NUP54: variants seen among roughly 807,000 people sequenced by gnomAD.
NUP54 encodes nucleoporin 54.
In NUP54, 27 loss-of-function variants were observed where a neutral mutation model predicts 66.4. That is an observed-to-expected ratio of 0.41 (90% CI 0.30 to 0.56). The LOEUF (loss-of-function observed/expected upper bound fraction) is 0.56, where lower values mean the gene tolerates loss of function less well. Among genes scored for constraint, NUP54 ranks in the 20% least tolerant of loss-of-function variants. NUP54 has a pLI of 0.34. For synonymous variants in NUP54, 206 were observed against 210.7 expected, an observed-to-expected ratio of 0.98 and a Z score of 0.19; for missense variants, 486 against 596.3, an observed-to-expected ratio of 0.82 and a Z score of 1.93.
intron 1 of NUP54, chr4:76,145,768 A>G (rs1280917043): frequency 3.6e-6 from 1 of 277,570 alleles, no homozygotes; most frequent in Non-Finnish European, 7.0e-6. Flanking sequence ...AATCTCATTT[A>G]TTTCTGGTAT....
chr4:76,120,832 A>G (rs573783691), intron 9 of NUP54, among the ~76,000 whole-genome samples: 1 of 152,280 alleles, frequency 6.6e-6, no homozygotes, highest in South Asian at 2.1e-4. Context: ...TTTTCTATGA[A>G]CTGCCTTTAC....
intron 9 of NUP54, among the ~76,000 whole-genome samples, chr4:76,119,295 C>T (rs565551934): frequency 2.8e-4 from 42 of 152,186 alleles, no homozygotes; most frequent in African/African-American, 9.6e-4. Context: ...TTTCTCCTTG[C>T]TCATCATACA....
At chr4:76,117,568 C>T (rs1048357715) in intron 11 of NUP54, 96 bp downstream of exon 11, 1 of 740,496 alleles carries the variant, frequency 1.4e-6, no homozygotes, top group African/African-American at 1.8e-5. Context: ...TCTCCACATT[C>T]TCACTAACAC....
chr4:76,124,705 C>A lies in NUP54; in HGVS notation c.1108G>T (p.Ala370Ser), dbSNP rs747329643. Residue 370 changes from alanine (A) to serine (S), a missense_variant, in exon 9 of 12, where the codon GCC (alanine) becomes TCC (serine). Ala to Ser is a moderately conservative substitution (Grantham distance 99). Transcript: ENST00000264883. ...ELQKNQTTSV[A>S]KIAQYKRKLM... is the part of the protein sequence containing the mutation. ...TTCCTCTTGTATTGTGCAATTTTGG[C>A]TACAGATGTAGTTTGATTCTTTTGT... is the stretch of plus-strand genomic sequence containing the variant. 6.3e-7 allele frequency: 1 copy of A among 1,587,540 alleles called. No homozygotes were observed.
intron 1 of NUP54, among the ~76,000 whole-genome samples, chr4:76,147,039 G>T (rs1482719551): frequency 6.6e-6 from 1 of 152,056 alleles, no homozygotes; most frequent in Non-Finnish European, 1.5e-5. Flanking sequence ...AACAAAACAG[G>T]TTACTGCTGT....
At chr4:76,140,568 G>A (rs1482747321) in intron 3 of NUP54, among the ~76,000 whole-genome samples, 1 of 152,098 alleles carries the variant, frequency 6.6e-6, no homozygotes, top group Non-Finnish European at 1.5e-5. Flanking sequence ...GTGAGCCACT[G>A]CGCTCAGCCC....
intron 3 of NUP54, among the ~76,000 whole-genome samples, chr4:76,143,078 CA>C (rs965380344): frequency 1.2e-4 from 17 of 145,406 alleles, no homozygotes; most frequent in African/African-American, 2.3e-4. Flanking sequence ...GCTGATCACT[CA>C]AAAAAAAAAG....
In NUP54 at chr4:76,148,353, G is replaced by T; in HGVS notation, c.22C>A (p.Pro8Thr). MAFNFGA[P>T]SGTSGTAAAT... ...GCAGCGGTACCGGAGGTGCCCGAGG[G>T]AGCCCCAAAATTGAAGGCCATGTCG... The change falls in exon 1 of 12, where the codon CCC (proline) becomes ACC (threonine). Residue 8 changes from proline (P) to threonine (T), a missense_variant. Coordinates refer to ENST00000264883, the MANE Select transcript of NUP54 (RefSeq NM_017426.4). 1 of 1,550,100 alleles carries T rather than the reference G, an allele frequency of 6.5e-7. No individual in the cohort carries two copies. The highest frequency in any genetic ancestry group is 2.5e-5 in the East Asian group (1 of 39,814).
Position 76,132,575 on chromosome 4 carries a change from T to C in NUP54, c.855A>G (p.Arg285=), listed in dbSNP as rs1177526257. 2 of 1,613,966 alleles carry C rather than the reference T, an allele frequency of 1.2e-6. No homozygotes were observed. The highest frequency in any genetic ancestry group is 8.5e-7 in the Non-Finnish European group (1 of 1,180,012). ...QQLGVTLSMT[R]TELSPAQIKQ... ...TGATCTGTGCAGGAGAAAGTTCTGTTCTAGTCATAGAAAGGGTTACACCAA... is the reference window on the plus strand; with the variant it reads ...TGATCTGTGCAGGAGAAAGTTCTGTCCTAGTCATAGAAAGGGTTACACCAA... Residue 285 remains arginine (R), a synonymous_variant, in exon 6 of 12, where the codon AGA becomes AGG. Transcript: ENST00000264883.
At chr4:76,135,328 TTTAAA>T (rs1473245552) in intron 4 of NUP54, among the ~76,000 whole-genome samples, 11 of 152,330 alleles carry the variant, frequency 7.2e-5, no homozygotes, top group Middle Eastern at 3.4e-3. Flanking sequence ...TAAAAAAGAA[TTTAAA>T]TTAACTCAAG....
chr4:76,116,666 T>C (rs1022361216), intron 11 of NUP54, among the ~76,000 whole-genome samples: 2 of 152,166 alleles, frequency 1.3e-5, no homozygotes, highest in Non-Finnish European at 2.9e-5. Context: ...ACATGCGACA[T>C]ATAGGCAGGG....
intron 1 of NUP54, chr4:76,146,161 A>G (rs1578699653): frequency 2.3e-6 from 1 of 441,714 alleles, no homozygotes; most frequent in African/African-American, 2.0e-5. Flanking sequence ...AGTAAACAAG[A>G]AAGTCTATCA....
At chr4:76,133,018 T>G (rs950471767) in intron 5 of NUP54, among the ~76,000 whole-genome samples, 1 of 113,264 alleles carries the variant, frequency 8.8e-6, no homozygotes, top group African/African-American at 2.9e-5. Context: ...TTAGCTTACA[T>G]GTATGTGTGT....
intron 6 of NUP54, 32 bp from the exon 7 acceptor site, chr4:76,131,316 C>T: frequency 3.6e-6 from 5 of 1,393,242 alleles, no homozygotes; most frequent in Non-Finnish European, 5.0e-6. Context: ...TTTTCTAAAA[C>T]AATTTTCTAT....
intron 1 of NUP54, chr4:76,146,062 G>A (rs868684570): frequency 6.9e-6 from 3 of 436,472 alleles, no homozygotes; most frequent in South Asian, 1.7e-5. Flanking sequence ...AATTGGCTAC[G>A]CAATAGAAAC....
chr4:76,117,332 T>G (rs1050222951), intron 11 of NUP54, among the ~76,000 whole-genome samples: 2 of 152,222 alleles, frequency 1.3e-5, no homozygotes, highest in African/African-American at 4.8e-5. Context: ...TGATTGATTC[T>G]TGGGTTATCT....
chr4:76,134,928 G>GTAGGC (rs1198113054), intron 4 of NUP54, among the ~76,000 whole-genome samples: 2 of 152,054 alleles, frequency 1.3e-5, no homozygotes, highest in Non-Finnish European at 2.9e-5. Context: ...CATGTTTAAA[G>GTAGGC]TAGGCTAGGC....
chr4:76,121,299 G>C (rs1183241597), intron 9 of NUP54, among the ~76,000 whole-genome samples: 3 of 152,084 alleles, frequency 2.0e-5, no homozygotes, highest in Non-Finnish European at 4.4e-5. Context: ...GCATTGTTCT[G>C]TCCAATCCCA....
chr4:76,116,461 GA>G (rs1437564641), intron 11 of NUP54, among the ~76,000 whole-genome samples: 2 of 152,094 alleles, frequency 1.3e-5, no homozygotes, highest in Non-Finnish European at 2.9e-5. Context: ...ATTTTCTTTA[GA>G]TACAACTGTT....
Sources: allele counts gnomAD v4.1 joint callset (sites outside exome capture counted in the v4.1 genomes callset), GRCh38; gene constraint gnomAD v4.1.1; transcripts MANE v1.5; gene names NCBI Gene and HGNC (gene_info 2026-07-23, HGNC 2026-07-21).